Variants in C3orf70 observed in about 807,000 individuals in gnomAD.
C3orf70 encodes the protein UPF0524 protein C3orf70.
Under a neutral mutation model 20.7 loss-of-function variants are expected in C3orf70, and 15 were observed. The observed-to-expected ratio is 0.72, with a 90% CI of 0.48 to 1.11. The LOEUF (loss-of-function observed/expected upper bound fraction) is 1.11, where lower values mean the gene tolerates loss of function less well. Ranked by LOEUF, C3orf70 falls within the 50% of genes most tolerant of loss-of-function variation. The probability of loss-of-function intolerance (pLI) is 0.00; values close to 1 mark genes in which losing one functional copy is unlikely to be tolerated. For missense variants in C3orf70, 332 were observed against 317.6 expected, an observed-to-expected ratio of 1.05 and a Z score of -0.34; for synonymous variants, 161 against 125.7, an observed-to-expected ratio of 1.28 and a Z score of -1.88.
rs919731389 is a variant in C3orf70 at position 185,077,402 on chromosome 3, T to C, written c.*5605A>G. Among the ~76,000 whole-genome samples, 3 of 152,222 alleles carry C rather than the reference T, an allele frequency of 2.0e-5. No individual in the cohort carries two copies. The highest frequency in any genetic ancestry group is 4.4e-5 in the Non-Finnish European group (3 of 68,038). ...AAGATGTGGACTTCTTGAGCTCTTT[T>C]CCTGATCTGTGAAATGGGGCTGCTT... On this transcript the variant is annotated 3_prime_UTR_variant, in exon 2 of 2. Coordinates refer to ENST00000335012, the MANE Select transcript of C3orf70 (RefSeq NM_001025266.3).
chr3:185,083,734 T>TA (rs1715403197), intron 1 of C3orf70, among the ~76,000 whole-genome samples, 171 bp from the exon 2 acceptor site: 2 of 152,220 alleles, frequency 1.3e-5, no homozygotes, highest in Non-Finnish European at 2.9e-5. Flanking sequence ...GTCAGCATGG[T>TA]ATATAATAAT....
chr3:185,142,833 A>T (rs1716783656), intron 1 of C3orf70, among the ~76,000 whole-genome samples: 1 of 152,222 alleles, frequency 6.6e-6, no homozygotes, highest in South Asian at 2.1e-4. Context: ...ATAATGTGAC[A>T]AAAATGTTTA....
At chr3:185,144,636 T>C (rs192113309) in intron 1 of C3orf70, among the ~76,000 whole-genome samples, 1 of 152,208 alleles carries the variant, frequency 6.6e-6, no homozygotes, top group African/African-American at 2.4e-5. Flanking sequence ...CATGCCCAGC[T>C]AATTTTTGTA....
At chr3:185,151,793 G>T (rs890469318) in intron 1 of C3orf70, among the ~76,000 whole-genome samples, 4 of 152,120 alleles carry the variant, frequency 2.6e-5, no homozygotes, top group Non-Finnish European at 5.9e-5. Flanking sequence ...TTCTTAAAAT[G>T]AATGATTCAT....
intron 1 of C3orf70, among the ~76,000 whole-genome samples, chr3:185,150,565 G>A (rs1716972056): frequency 6.6e-6 from 1 of 152,152 alleles, no homozygotes; most frequent in Non-Finnish European, 1.5e-5. Context: ...CAGCTCAATG[G>A]CTTTGATGGC....
At chr3:185,129,801 T>C (rs1716491953) in intron 1 of C3orf70, among the ~76,000 whole-genome samples, 1 of 152,212 alleles carries the variant, frequency 6.6e-6, no homozygotes, top group Admixed American at 6.5e-5. Flanking sequence ...CAAAAGAAAA[T>C]TATAACATGC....
At chr3:185,083,829 C>A (rs1223090163) in intron 1 of C3orf70, among the ~76,000 whole-genome samples, 1 of 152,164 alleles carries the variant, frequency 6.6e-6, no homozygotes, top group Non-Finnish European at 1.5e-5. Context: ...TGGATAGACA[C>A]TATAATCCTT....
At chr3:185,122,992 C>T (rs192867519) in intron 1 of C3orf70, among the ~76,000 whole-genome samples, 240 of 145,794 alleles carry the variant, frequency 1.6e-3, no homozygotes, top group Middle Eastern at 3.4e-3. Context: ...CTCATCTCTA[C>T]TAAAAAAAAA....
rs534050103 is a variant in C3orf70 at position 185,077,135 on chromosome 3, G to C, written c.*5872C>G. Among the ~76,000 whole-genome samples the C allele has an allele frequency of 1.4e-4, 22 of 151,778 alleles. No homozygotes were observed. The highest frequency in any genetic ancestry group is 7.2e-4 in the Admixed American group (11 of 15,252). ...AGAGACATGGTATAGGGTGCGGGGTGGGGGGGCACTGTATGGAGGACAGAG... is the reference window on the plus strand; with the variant it reads ...AGAGACATGGTATAGGGTGCGGGGTCGGGGGGCACTGTATGGAGGACAGAG... On this transcript the variant is annotated 3_prime_UTR_variant, in exon 2 of 2. Coordinates refer to ENST00000335012, the MANE Select transcript of C3orf70 (RefSeq NM_001025266.3).
chr3:185,124,930 A>C (rs953975441), intron 1 of C3orf70, among the ~76,000 whole-genome samples: 49 of 152,358 alleles, frequency 3.2e-4, no homozygotes, highest in African/African-American at 1.1e-3. Flanking sequence ...ATTACGTTAG[A>C]GAAGTCCCAT....
intron 1 of C3orf70, among the ~76,000 whole-genome samples, chr3:185,128,905 G>C (rs946700356): frequency 1.3e-5 from 2 of 152,134 alleles, no homozygotes; most frequent in Admixed American, 6.5e-5. Flanking sequence ...ATCACAGCAT[G>C]AATGTATGGA....
chr3:185,134,758 A>C (rs1225448956), intron 1 of C3orf70, among the ~76,000 whole-genome samples: 1 of 152,178 alleles, frequency 6.6e-6, no homozygotes, highest in Non-Finnish European at 1.5e-5. Flanking sequence ...CCACCCTTGA[A>C]AGGCTCTAAA....
intron 1 of C3orf70, among the ~76,000 whole-genome samples, chr3:185,095,616 A>G (rs1326770963): frequency 6.6e-6 from 1 of 152,260 alleles, no homozygotes; most frequent in African/African-American, 2.4e-5. Flanking sequence ...CAGAGACTCA[A>G]CATGTTTACT....
At chr3:185,137,678 C>G (rs1716655273) in intron 1 of C3orf70, among the ~76,000 whole-genome samples, 1 of 152,060 alleles carries the variant, frequency 6.6e-6, no homozygotes, top group Non-Finnish European at 1.5e-5. Context: ...CGAGGGAAAT[C>G]AAAAGTTACA....
At chr3:185,090,546 T>TG (rs894635944) in intron 1 of C3orf70, among the ~76,000 whole-genome samples, 1 of 152,166 alleles carries the variant, frequency 6.6e-6, no homozygotes, top group Non-Finnish European at 1.5e-5. Context: ...GTAAATCTAC[T>TG]GAAAAAAAAT....
At chr3:185,109,836 T>A (rs1171727821) in intron 1 of C3orf70, among the ~76,000 whole-genome samples, 1 of 152,196 alleles carries the variant, frequency 6.6e-6, no homozygotes, top group Non-Finnish European at 1.5e-5. Context: ...CAAAAACCTA[T>A]TTGTAAACAA....
chr3:185,129,514 C>A (rs1479172584), intron 1 of C3orf70, among the ~76,000 whole-genome samples: 1 of 152,204 alleles, frequency 6.6e-6, no homozygotes, highest in Non-Finnish European at 1.5e-5. Flanking sequence ...TCTTTGCTAT[C>A]GTGAATAGTG....
chr3:185,110,449 T>G (rs895654119), intron 1 of C3orf70, among the ~76,000 whole-genome samples: 4 of 152,246 alleles, frequency 2.6e-5, no homozygotes, highest in African/African-American at 4.8e-5. Context: ...AGTCTGCAGA[T>G]GTGGATCCTG....
chr3:185,096,835 T>G (rs982967377), intron 1 of C3orf70, among the ~76,000 whole-genome samples: 1 of 152,166 alleles, frequency 6.6e-6, no homozygotes, highest in African/African-American at 2.4e-5. Context: ...ACACCATTAG[T>G]TGCTGATTGC....
Sources: allele counts gnomAD v4.1 joint callset (sites outside exome capture counted in the v4.1 genomes callset), GRCh38; gene constraint gnomAD v4.1.1; transcripts MANE v1.5; gene names NCBI Gene and HGNC (gene_info 2026-07-23, HGNC 2026-07-21).